Variants in HECW2 observed in about 807,000 individuals in gnomAD.
HECW2 encodes E3 ubiquitin-protein ligase HECW2.
HECW2 carries 61 observed loss-of-function variants against 175.2 expected under a neutral mutation model. The observed-to-expected ratio is 0.35, with a 90% CI of 0.28 to 0.43. HECW2 has a LOEUF of 0.43. Among genes scored for constraint, HECW2 ranks in the 20% least tolerant of loss-of-function variants. The probability of loss-of-function intolerance (pLI) is 1.00; values close to 1 mark genes in which losing one functional copy is unlikely to be tolerated. For synonymous variants in HECW2, 671 were observed against 731.0 expected (o/e 0.92, Z 1.32); for missense variants, 1,524 against 2,000.5 (o/e 0.76, Z 4.54).
intron 2 of HECW2, among the ~76,000 whole-genome samples, chr2:196,422,170 C>A (rs981031351): frequency 3.9e-5 from 6 of 152,122 alleles, no homozygotes; most frequent in Admixed American, 1.3e-4. Context: ...AGTATCTATT[C>A]TTGCAGTGAC....
intron 1 of HECW2, among the ~76,000 whole-genome samples, chr2:196,591,589 C>G (rs929224270): frequency 2.0e-5 from 3 of 152,164 alleles, no homozygotes; most frequent in Non-Finnish European, 2.9e-5. Context: ...TGGATAGTAA[C>G]GTTACAGTGT....
At chr2:196,446,724 A>G (rs1458177776) in intron 1 of HECW2, among the ~76,000 whole-genome samples, 3 of 152,266 alleles carry the variant, frequency 2.0e-5, no homozygotes, top group African/African-American at 7.2e-5. Context: ...TACTACAGAA[A>G]TCAACAAAAG....
intron 14 of HECW2, 74 bp downstream of exon 14, chr2:196,292,491 G>A (rs1425284206): frequency 1.5e-6 from 2 of 1,303,136 alleles, no homozygotes; most frequent in Non-Finnish European, 2.2e-6. Context: ...TCACTTGAAG[G>A]GTAGGGCCAA....
chr2:196,352,450 A>C (rs1693206059), intron 2 of HECW2, among the ~76,000 whole-genome samples: 1 of 152,212 alleles, frequency 6.6e-6, no homozygotes, highest in South Asian at 2.1e-4. Flanking sequence ...TATCTCTGAC[A>C]TGGACCTCAT....
At chr2:196,505,970 T>C (rs1341601533) in intron 1 of HECW2, among the ~76,000 whole-genome samples, 1 of 151,974 alleles carries the variant, frequency 6.6e-6, no homozygotes, top group Admixed American at 6.6e-5. Context: ...TGAAGGAAGA[T>C]GAAGGTGATT....
At chr2:196,211,107 C>A (rs56919914) in intron 28 of HECW2, among the ~76,000 whole-genome samples, 1 of 152,222 alleles carries the variant, frequency 6.6e-6, no homozygotes, top group South Asian at 2.1e-4. Context: ...CAGCCATTTT[C>A]AAAAATTAAC....
chr2:196,391,832 C>T (rs1694519846), intron 2 of HECW2, among the ~76,000 whole-genome samples: 1 of 152,188 alleles, frequency 6.6e-6, no homozygotes. Context: ...CCTGTCTTGC[C>T]CTTTCCTAGC....
intron 18 of HECW2, among the ~76,000 whole-genome samples, chr2:196,255,115 G>T (rs1689006484): frequency 6.7e-6 from 1 of 149,568 alleles, no homozygotes; most frequent in Admixed American, 6.7e-5. Context: ...TGGGACTACA[G>T]GTGCGAGTCA....
At chr2:196,505,904 AGG>A (rs1687742702) in intron 1 of HECW2, among the ~76,000 whole-genome samples, 1 of 152,180 alleles carries the variant, frequency 6.6e-6, no homozygotes, top group Non-Finnish European at 1.5e-5. Context: ...TTTGGGAGGT[AGG>A]GCTGGGAACA....
intron 28 of HECW2, among the ~76,000 whole-genome samples, chr2:196,215,125 T>G (rs1432141841): frequency 6.6e-6 from 1 of 152,218 alleles, no homozygotes; most frequent in African/African-American, 2.4e-5. Context: ...TCCATTCCTC[T>G]TTTGTTCATA....
At chr2:196,506,822 C>A (rs549853526) in intron 1 of HECW2, among the ~76,000 whole-genome samples, 11 of 152,232 alleles carry the variant, frequency 7.2e-5, no homozygotes, top group African/African-American at 2.7e-4. Context: ...AGTTCACATT[C>A]TGCCAATACT....
chr2:196,337,123 A>T (rs1048972590), intron 3 of HECW2, among the ~76,000 whole-genome samples: 3 of 152,214 alleles, frequency 2.0e-5, no homozygotes, highest in Admixed American at 6.5e-5. Context: ...AAGATTTTTT[A>T]AAATGGTGTA....
intron 17 of HECW2, among the ~76,000 whole-genome samples, chr2:196,269,745 C>T (rs1384181455): frequency 1.3e-5 from 2 of 152,074 alleles, no homozygotes; most frequent in Non-Finnish European, 2.9e-5. Flanking sequence ...AATCAAAACA[C>T]AAAAGTCATA....
At chr2:196,459,581 C>A (rs1164202744) in intron 1 of HECW2, among the ~76,000 whole-genome samples, 15 of 152,074 alleles carry the variant, frequency 9.9e-5, no homozygotes, top group Non-Finnish European at 1.5e-5. Flanking sequence ...TCCCCTCCCT[C>A]CATAACCAAC....
chr2:196,561,713 TC>T (rs1690008957), intron 1 of HECW2, among the ~76,000 whole-genome samples: 1 of 152,124 alleles, frequency 6.6e-6, no homozygotes, highest in Non-Finnish European at 1.5e-5. Context: ...AGGGGCTGGT[TC>T]CCCTAATACA....
At chr2:196,407,356 G>T (rs1315314223) in intron 2 of HECW2, among the ~76,000 whole-genome samples, 1 of 151,512 alleles carries the variant, frequency 6.6e-6, no homozygotes, top group Non-Finnish European at 1.5e-5. Flanking sequence ...TTTATTCCAT[G>T]GTATAAATAC....
chr2:196,389,982 C>T (rs553962720), intron 2 of HECW2, among the ~76,000 whole-genome samples: 1 of 152,240 alleles, frequency 6.6e-6, no homozygotes, highest in South Asian at 2.1e-4. Context: ...TCTGATGGTT[C>T]AGGACCTCTT....
chr2:196,331,261 T>C, intron 4 of HECW2: 1 of 984,932 alleles, frequency 1.0e-6, no homozygotes, highest in South Asian at 4.7e-5. Context: ...TGGTTTATTA[T>C]ATTGTATTGT....
chr2:196,303,692 C>T (rs1440721298), intron 13 of HECW2, among the ~76,000 whole-genome samples: 4 of 152,094 alleles, frequency 2.6e-5, no homozygotes, highest in African/African-American at 9.7e-5. Flanking sequence ...AGTTTATGTA[C>T]ATAGAGGTGT....
Sources: gnomAD v4.1 joint callset for allele counts (sites outside exome capture counted in the v4.1 genomes callset) on GRCh38, gnomAD v4.1.1 for gene constraint, MANE v1.5 for transcripts, NCBI Gene and HGNC (gene_info 2026-07-23, HGNC 2026-07-21) for gene names.